The following FRMPD4 variants were observed in gnomAD, a reference collection of about 807,000 sequenced individuals.
FRMPD4 encodes FERM and PDZ domain containing 4, also known as FERM and PDZ domain-containing protein 4.
FRMPD4 carries 22 observed loss-of-function variants against 94.1 expected under a neutral mutation model. That is an observed-to-expected ratio of 0.23 (90% confidence interval 0.17 to 0.33). FRMPD4 has a LOEUF of 0.33. Ranked by LOEUF, FRMPD4 falls within the 10% of genes least tolerant of loss-of-function variation. FRMPD4 has a pLI of 1.00. For missense variants in FRMPD4, 1,111 were observed against 1,339.9 expected (o/e 0.83, Z 2.67); for synonymous variants, 631 against 548.6 (o/e 1.15, Z -2.10).
At chrX:12,636,999 C>T (rs1242853010) in intron 4 of FRMPD4, among the ~76,000 whole-genome samples, 1 of 111,968 alleles carries the variant, frequency 8.9e-6, no homozygotes, top group Non-Finnish European at 1.9e-5. Context: ...CTCCAAGGAG[C>T]CATGATTCCT....
At chrX:12,574,564 C>G (rs1202471967) in intron 2 of FRMPD4, among the ~76,000 whole-genome samples, 1 of 110,856 alleles carries the variant, frequency 9.0e-6, no homozygotes, top group Non-Finnish European at 1.9e-5. Flanking sequence ...GTGGCGTGAT[C>G]TCGGCGCACT....
At chrX:12,238,315 G>T (rs1240259637) in intron 1 of FRMPD4, among the ~76,000 whole-genome samples, 1 of 110,172 alleles carries the variant, frequency 9.1e-6, no homozygotes, top group African/African-American at 3.3e-5. Context: ...GTAGAGATGG[G>T]GTTTCTCCGT....
At chrX:11,860,812 G>A (rs948958008) in intron 1 of FRMPD4, among the ~76,000 whole-genome samples, 1 of 111,906 alleles carries the variant, frequency 8.9e-6, no homozygotes, top group Non-Finnish European at 1.9e-5. Flanking sequence ...GAGGTGGGAT[G>A]AGTTTTAAGG....
At chrX:12,204,441 G>T (rs189785447) in intron 1 of FRMPD4, among the ~76,000 whole-genome samples, 1 of 111,604 alleles carries the variant, frequency 9.0e-6, no homozygotes, top group African/African-American at 3.3e-5. Flanking sequence ...TAACTTCTTC[G>T]CTGTCCTCTG....
chrX:12,026,027 C>T (rs945418855), intron 3 of FRMPD4, among the ~76,000 whole-genome samples: 3 of 111,822 alleles, frequency 2.7e-5, no homozygotes, highest in Non-Finnish European at 5.7e-5. Flanking sequence ...AAGTCCTATT[C>T]ATCTCTCAGT....
At chrX:12,502,346 A>C (rs776518292) in intron 2 of FRMPD4, among the ~76,000 whole-genome samples, 19 of 112,360 alleles carry the variant, frequency 1.7e-4, no homozygotes, top group Non-Finnish European at 3.2e-4. Context: ...GAAATATGAT[A>C]GATGCAAATT....
intron 2 of FRMPD4, among the ~76,000 whole-genome samples, chrX:11,873,245 A>G (rs1274577160): frequency 9.0e-6 from 1 of 110,782 alleles, no homozygotes; most frequent in Non-Finnish European, 1.9e-5. Context: ...TAACAAGTGG[A>G]GTAGCAAGAA....
At chrX:12,099,132 A>T (rs1217186143) in intron 3 of FRMPD4, among the ~76,000 whole-genome samples, 1 of 106,037 alleles carries the variant, frequency 9.4e-6, no homozygotes, top group Non-Finnish European at 1.9e-5. Flanking sequence ...ATGACGAGTT[A>T]GTGGGTGCAG....
intron 3 of FRMPD4, among the ~76,000 whole-genome samples, chrX:11,959,416 G>A (rs1053906746): frequency 8.9e-6 from 1 of 112,377 alleles, no homozygotes; most frequent in African/African-American, 3.2e-5. Flanking sequence ...GGAGTGTCAC[G>A]TCCCTTCAGG....
At chrX:12,042,195 A>G (rs2054759748) in intron 3 of FRMPD4, among the ~76,000 whole-genome samples, 1 of 108,154 alleles carries the variant, frequency 9.2e-6, no homozygotes, top group South Asian at 3.9e-4. Context: ...ACACTCATTT[A>G]AAGTCATTTT....
In FRMPD4 at chrX:12,578,576, T is replaced by G. The variant is rs750536205; in HGVS notation, c.159-31145T>G. 3.9e-3 allele frequency among the ~76,000 whole-genome samples: 441 copies of G among 111,999 alleles called. 2 individuals are homozygous for G. Among genetic ancestry groups the G allele is most frequent in the African/African-American group, 0.014 (428 of 30,858 alleles). On this transcript the variant is annotated intron_variant, in intron 2 of 16. Coordinates refer to ENST00000675598, the MANE Select transcript of FRMPD4 (RefSeq NM_001368397.1). ...CTGAGATATATATATACATACTGTA[T>G]AGTGTGTTTGTGTGTTTATGTTACT...
intron 3 of FRMPD4, among the ~76,000 whole-genome samples, chrX:11,946,901 A>T (rs1048080965): frequency 1.6e-4 from 18 of 112,205 alleles, no homozygotes; most frequent in African/African-American, 5.8e-4. Flanking sequence ...ATTTAGACTC[A>T]GACTGAATTA....
chrX:12,374,715 A>G (rs1022597166), intron 1 of FRMPD4, among the ~76,000 whole-genome samples: 13 of 111,716 alleles, frequency 1.2e-4, no homozygotes, highest in Admixed American at 8.6e-4. Context: ...CCATCTTTAT[A>G]TAAAACTTTG....
At chrX:12,553,231 A>C (rs1386820992) in intron 2 of FRMPD4, among the ~76,000 whole-genome samples, 1 of 109,372 alleles carries the variant, frequency 9.1e-6, no homozygotes, top group African/African-American at 3.3e-5. Context: ...AAAAGAAACA[A>C]AAGTATACAA....
chrX:12,714,265 T>C (rs181543600), intron 14 of FRMPD4, among the ~76,000 whole-genome samples: 1 of 111,406 alleles, frequency 9.0e-6, no homozygotes, highest in East Asian at 2.8e-4. Context: ...AGGGCCATGC[T>C]CCCTTCAAAG....
chrX:12,171,286 AG>A (rs2056217169), intron 1 of FRMPD4, among the ~76,000 whole-genome samples: 1 of 112,099 alleles, frequency 8.9e-6, no homozygotes, highest in South Asian at 3.7e-4. Flanking sequence ...ACTTGATGGT[AG>A]GGCCTTCTAC....
At chrX:11,886,953 C>T (rs1366691502) in intron 3 of FRMPD4, among the ~76,000 whole-genome samples, 2 of 110,601 alleles carry the variant, frequency 1.8e-5, no homozygotes, top group Non-Finnish European at 3.8e-5. Flanking sequence ...TTCCTCCCCA[C>T]CACTCTTCTG....
chrX:12,443,646 A>G (rs973582342), intron 1 of FRMPD4, among the ~76,000 whole-genome samples: 2 of 111,863 alleles, frequency 1.8e-5, no homozygotes, highest in African/African-American at 6.5e-5. Flanking sequence ...AAATAGCCTA[A>G]GCTCTTGAGA....
chrX:12,336,076 AATT>A (rs1438585598), intron 1 of FRMPD4, among the ~76,000 whole-genome samples: 2 of 108,839 alleles, frequency 1.8e-5, no homozygotes, highest in Non-Finnish European at 3.8e-5. Context: ...TAACTTTTCT[AATT>A]TCCAAGATTT....
Sources: gnomAD v4.1 joint callset for allele counts (sites outside exome capture counted in the v4.1 genomes callset) on GRCh38, gnomAD v4.1.1 for gene constraint, MANE v1.5 for transcripts, NCBI Gene and HGNC (gene_info 2026-07-23, HGNC 2026-07-21) for gene names.